The following GABRG2 variants were observed in gnomAD, a reference collection of about 807,000 sequenced individuals.
GABRG2 encodes the protein gamma-aminobutyric acid receptor subunit gamma-2.
GABRG2 carries 16 observed loss-of-function variants against 56.4 expected under a neutral mutation model. That is an observed-to-expected ratio of 0.28 (90% CI 0.19 to 0.43). GABRG2 has a LOEUF of 0.43. Among genes scored for constraint, GABRG2 ranks in the 20% least tolerant of loss-of-function variants. The pLI is 1.00. For missense variants in GABRG2, 327 were observed against 582.7 expected (o/e 0.56, Z 4.52); for synonymous variants, 208 against 205.5 (o/e 1.01, Z -0.10).
In GABRG2 at chr5:162,111,517, G is replaced by A. The variant is rs146497719; in HGVS notation, c.769+7491G>A. Among the ~76,000 whole-genome samples, 514 of 152,188 alleles carry A rather than the reference G, an allele frequency of 3.4e-3. 4 individuals carry two copies. Among genetic ancestry groups the A allele is most frequent in the African/African-American group, 0.011 (449 of 41,538 alleles). ...TCATTTCTGCTTATGTTCCATTGGC[G>A]AGAACTAGTTGCATATTCCCATAGA... On this transcript the variant is annotated intron_variant, in intron 6 of 9. Transcript: ENST00000639213.
intron 1 of GABRG2, among the ~76,000 whole-genome samples, chr5:162,090,257 T>C (rs1415125920): frequency 1.3e-5 from 2 of 151,562 alleles, no homozygotes; most frequent in African/African-American, 2.4e-5. Flanking sequence ...CACATACACA[T>C]ACACGTACAC....
intron 6 of GABRG2, among the ~76,000 whole-genome samples, chr5:162,132,363 A>G (rs1046058188): frequency 6.6e-6 from 1 of 152,158 alleles, no homozygotes; most frequent in Middle Eastern, 3.4e-3. Flanking sequence ...CCTGTGGACC[A>G]GGCATTTTTC....
chr5:162,137,090 T>G (rs1053422252), intron 6 of GABRG2, among the ~76,000 whole-genome samples: 1 of 152,040 alleles, frequency 6.6e-6, no homozygotes, highest in Admixed American at 6.5e-5. Flanking sequence ...TTATAGAAGT[T>G]TGCAACTGAT....
In GABRG2 at chr5:162,153,965, A is replaced by C. The variant is rs1191846872; in HGVS notation, c.*597A>C. The stretch of plus-strand genomic sequence containing the variant: ...TTAGTGCATGCATCTCTTTAGATCC[A>C]AAATAAATGGACTGAAGTTATCATC... On this transcript the variant is annotated 3_prime_UTR_variant, in exon 10 of 10. Transcript: ENST00000639213. The C allele has an allele frequency of 1.3e-5, 2 of 154,974 alleles. No individual in the cohort carries two copies. The highest frequency in any genetic ancestry group is 2.9e-5 in the Non-Finnish European group (2 of 69,620). 9.6% of individuals were successfully genotyped at this position (154,974 alleles called of 1,614,324 possible). A position where few individuals can be genotyped will look rare whatever the true frequency, so the allele number is the denominator to read the frequency against.
chr5:162,151,485 T>G (rs1765368836), intron 8 of GABRG2: 4 of 454,210 alleles, frequency 8.8e-6, no homozygotes, highest in Non-Finnish European at 1.6e-5. Flanking sequence ...GCTTCTTCAG[T>G]CAAGTAATTG....
intron 1 of GABRG2, among the ~76,000 whole-genome samples, chr5:162,082,874 A>G (rs2113210834): frequency 6.6e-6 from 1 of 151,846 alleles, no homozygotes; most frequent in South Asian, 2.1e-4. Context: ...GATTTTGAGA[A>G]AATATTTTAT....
At position 162,149,403 on chromosome 5, in the gene GABRG2, C is replaced by A. The variant is rs188879835; in HGVS notation, c.1128+90C>A. 88 of 1,246,458 alleles carry A rather than the reference C, an allele frequency of 7.1e-5. 1 individual carries two copies. In the East Asian group the frequency reaches 1.5e-3, roughly 22 times the overall value. 77.2% of individuals were successfully genotyped at this position (1,246,458 alleles called of 1,614,324 possible). On this transcript the variant is annotated intron_variant, in intron 8 of 9. Transcript: ENST00000639213. Reference sequence around the variant, plus strand: ...AGCCTATCTGCAGGCTAAGGCTCAGCAGTTTGGGCTCCAAGATGAAAACAG... The same window carrying A: ...AGCCTATCTGCAGGCTAAGGCTCAGAAGTTTGGGCTCCAAGATGAAAACAG...
intron 5 of GABRG2, 143 bp from the exon 6 acceptor site, chr5:162,103,746 G>T: frequency 1.2e-6 from 1 of 846,980 alleles, no homozygotes; most frequent in Middle Eastern, 2.5e-4. Context: ...TGTTCTCATT[G>T]CAATGCCCTT....
chr5:162,135,399 C>T (rs775662587), intron 6 of GABRG2, among the ~76,000 whole-genome samples: 4 of 152,120 alleles, frequency 2.6e-5, no homozygotes, highest in Non-Finnish European at 5.9e-5. Flanking sequence ...GTGTATAGCT[C>T]ATCTAGAATT....
intron 1 of GABRG2, among the ~76,000 whole-genome samples, chr5:162,091,557 A>G (rs1318234044): frequency 6.6e-6 from 1 of 152,054 alleles, no homozygotes; most frequent in Non-Finnish European, 1.5e-5. Flanking sequence ...CAGAAAGCAG[A>G]ACTAGCATTT....
chr5:162,144,245 G>A (rs921316174), intron 7 of GABRG2, among the ~76,000 whole-genome samples: 1 of 152,150 alleles, frequency 6.6e-6, no homozygotes, highest in African/African-American at 2.4e-5. Flanking sequence ...ATACACTTAT[G>A]TATGGCTGGA....
rs1760932162 is a variant in GABRG2 at position 162,095,482 on chromosome 5, T to C, written c.260-13T>C. ...CTCTCTATGTGCACACATTTCTATG[T>C]TTCTCTTTACAGTGAAGCCAACGTT... On this transcript the variant is annotated splice_polypyrimidine_tract_variant and intron_variant, in intron 2 of 9. Coordinates refer to ENST00000639213, the MANE Select transcript of GABRG2 (RefSeq NM_198904.4). The C allele has an allele frequency of 1.3e-6, 2 of 1,568,972 alleles. No homozygotes were observed. Among genetic ancestry groups the C allele is most frequent in the Non-Finnish European group, 1.8e-6 (2 of 1,140,064 alleles).
At chr5:162,152,971 A>G (rs1030050532) in intron 9 of GABRG2, 122 bp from the exon 10 acceptor site, 12 of 1,145,546 alleles carry the variant, frequency 1.0e-5, no homozygotes, top group Admixed American at 1.8e-5. Context: ...TCATGATGTC[A>G]TAGCAATTTC....
At chr5:162,124,020 A>G (rs1763148596) in intron 6 of GABRG2, among the ~76,000 whole-genome samples, 1 of 151,920 alleles carries the variant, frequency 6.6e-6, no homozygotes, top group Non-Finnish European at 1.5e-5. Flanking sequence ...AGGAATAACT[A>G]GGGTTAAAGC....
chr5:162,092,845 T>C (rs1000255870), intron 1 of GABRG2, among the ~76,000 whole-genome samples: 4 of 152,108 alleles, frequency 2.6e-5, no homozygotes, highest in Non-Finnish European at 5.9e-5. Flanking sequence ...TACTCTAAAC[T>C]ACAAAAGTAA....
intron 6 of GABRG2, among the ~76,000 whole-genome samples, chr5:162,109,593 G>A (rs1762114907): frequency 2.6e-5 from 4 of 151,290 alleles, no homozygotes; most frequent in Admixed American, 2.6e-4. Flanking sequence ...CTATTAACCT[G>A]GTGGCTGACT....
intron 7 of GABRG2, 104 bp downstream of exon 7, chr5:162,142,420 T>C (rs1193113082): frequency 8.2e-7 from 1 of 1,213,692 alleles, no homozygotes; most frequent in Admixed American, 1.7e-5. Flanking sequence ...TAGCCTGCAA[T>C]TGCATAGAAA....
intron 8 of GABRG2, chr5:162,149,605 T>A: frequency 1.4e-6 from 1 of 730,614 alleles, no homozygotes. Flanking sequence ...TTCTTGTTGC[T>A]ATTATTCCAG....
intron 6 of GABRG2, among the ~76,000 whole-genome samples, chr5:162,106,462 AT>A (rs756540595): frequency 6.6e-6 from 1 of 152,076 alleles, no homozygotes; most frequent in Non-Finnish European, 1.5e-5. Context: ...GTGACAGCTG[AT>A]TTTTTTAATG....
Sources: allele counts gnomAD v4.1 joint callset (sites outside exome capture counted in the v4.1 genomes callset), GRCh38; gene constraint gnomAD v4.1.1; transcripts MANE v1.5; gene names NCBI Gene and HGNC (gene_info 2026-07-23, HGNC 2026-07-21).